Variants in MKNK1 observed in about 807,000 individuals in gnomAD.
MKNK1 encodes the protein MAP kinase-interacting serine/threonine-protein kinase 1.
In MKNK1, 30 loss-of-function variants were observed where a neutral mutation model predicts 49.3. That is an observed-to-expected ratio of 0.61 (90% CI 0.46 to 0.83). The LOEUF is 0.83. Among genes scored for constraint, MKNK1 ranks in the 40% least tolerant of loss-of-function variants. The probability of loss-of-function intolerance (pLI) is 0.00; values close to 1 mark genes in which losing one functional copy is unlikely to be tolerated. For synonymous variants in MKNK1, 176 were observed against 201.7 expected, an observed-to-expected ratio of 0.87 and a Z score of 1.08; for missense variants, 423 against 524.7, an observed-to-expected ratio of 0.81 and a Z score of 1.89.
chr1:46,588,743 G>A (rs1672940319), intron 2 of MKNK1, among the ~76,000 whole-genome samples: 1 of 150,718 alleles, frequency 6.6e-6, no homozygotes. Flanking sequence ...GGGGGGCGGA[G>A]CCTGCAGTGA....
At position 46,566,705 on chromosome 1, in the gene MKNK1, G is replaced by A. The variant is rs146489063; in HGVS notation, c.514-1569C>T. On this transcript the variant is annotated intron_variant, in intron 8 of 12. Transcript: ENST00000371945. ...TAGTAGTATGTGGTGGTATCTCATT[G>A]TGGTTTTGACTTGCATTTCCCTAAT... Among the ~76,000 whole-genome samples the A allele has an allele frequency of 5.3e-5, 8 of 152,278 alleles. No homozygotes were observed. The East Asian group carries it at 1.5e-3, about 29-fold the overall frequency.
At position 46,572,242 on chromosome 1, in the gene MKNK1, C is replaced by T; in HGVS notation, c.353-75G>A. On this transcript the variant is annotated intron_variant, in intron 6 of 12. Transcript: ENST00000371945. ...TATAAGTTTTTTTTTTAGACGAAGTCTCACTCTGTTACCCAGGCTGGAGAG... is the reference window on the plus strand; with the variant it reads ...TATAAGTTTTTTTTTTAGACGAAGTTTCACTCTGTTACCCAGGCTGGAGAG... 8 of 1,266,832 alleles carry T rather than the reference C, an allele frequency of 6.3e-6. No homozygotes were observed. In the South Asian group the frequency reaches 8.8e-5, roughly 14 times the overall value. 78.5% of individuals were successfully genotyped at this position (1,266,832 alleles called of 1,614,324 possible).
intron 8 of MKNK1, among the ~76,000 whole-genome samples, chr1:46,567,571 G>A (rs1348989889): frequency 2.0e-5 from 3 of 152,206 alleles, no homozygotes; most frequent in Non-Finnish European, 1.5e-5. Context: ...GATCTTATTT[G>A]AGCGAATCCA....
intron 8 of MKNK1, among the ~76,000 whole-genome samples, chr1:46,566,614 G>C (rs762205530): frequency 3.3e-5 from 5 of 152,122 alleles, no homozygotes; most frequent in Non-Finnish European, 4.4e-5. Flanking sequence ...CAATGTATGA[G>C]GGTTACGATT....
At chr1:46,601,973 C>A (rs1354116002) in intron 1 of MKNK1, among the ~76,000 whole-genome samples, 5 of 152,152 alleles carry the variant, frequency 3.3e-5, no homozygotes, top group Non-Finnish European at 7.3e-5. Flanking sequence ...ACAACTAATC[C>A]AGCAGAAGGC....
chr1:46,599,142 C>G (rs1674428350), intron 1 of MKNK1, among the ~76,000 whole-genome samples: 1 of 152,178 alleles, frequency 6.6e-6, no homozygotes, highest in African/African-American at 2.4e-5. Flanking sequence ...ACTCTGTGAA[C>G]CATAACTGGC....
In MKNK1 at chr1:46,560,285, G is replaced by A. The variant is rs201646100; in HGVS notation, c.970-8C>T. On this transcript the variant is annotated splice_polypyrimidine_tract_variant and splice_region_variant and intron_variant, in intron 11 of 12. Transcript: ENST00000371945. Reference sequence around the variant, plus strand: ...TCCCTTTTCTGGAGCTTGCTAGAATGGGAAGGACAGATGTGTAGGTAAAGC... The same window carrying A: ...TCCCTTTTCTGGAGCTTGCTAGAATAGGAAGGACAGATGTGTAGGTAAAGC... The A allele has an allele frequency of 6.9e-5, 112 of 1,613,964 alleles. No homozygotes were observed. The highest frequency in any genetic ancestry group is 1.7e-4 in the Admixed American group (10 of 59,994).
At chr1:46,563,693 G>A (rs1022097439) in intron 9 of MKNK1, 3 of 152,218 alleles carry the variant, frequency 2.0e-5, no homozygotes, top group African/African-American at 7.2e-5. Flanking sequence ...TGATAATGTT[G>A]TTTAGAATAA....
intron 8 of MKNK1, chr1:46,565,361 G>C: frequency 1.8e-6 from 1 of 555,134 alleles, no homozygotes; most frequent in Non-Finnish European, 3.2e-6. Context: ...AAAATGGGTG[G>C]ACTATTTGGT....
chr1:46,585,249 C>CAAAAAAAAAAAAAAAAAAAAAAAAAAAAA (rs58692301), intron 2 of MKNK1, among the ~76,000 whole-genome samples: 1 of 62,114 alleles, frequency 1.6e-5, no homozygotes. Context: ...GATTCCGTCT[C>CAAAAAAAAAAAAAAAAAAAAAAAAAAAAA]AAAAAAAAAA....
intron 3 of MKNK1, among the ~76,000 whole-genome samples, chr1:46,582,072 C>G (rs1045199914): frequency 6.6e-6 from 1 of 152,180 alleles, no homozygotes; most frequent in East Asian, 1.9e-4. Context: ...ATTGCACAAG[C>G]TGTCCTTAAA....
At chr1:46,601,309 A>G (rs1674705870) in intron 1 of MKNK1, among the ~76,000 whole-genome samples, 1 of 152,224 alleles carries the variant, frequency 6.6e-6, no homozygotes. Flanking sequence ...ACCTTCAACC[A>G]TGTAAATTTT....
intron 8 of MKNK1, among the ~76,000 whole-genome samples, chr1:46,565,965 T>G (rs1668986277): frequency 6.6e-6 from 1 of 152,220 alleles, no homozygotes; most frequent in Admixed American, 6.5e-5. Flanking sequence ...TAGCCTCTTA[T>G]TAGTGGTAAA....
chr1:46,562,124 G>A (rs147564162), intron 10 of MKNK1, among the ~76,000 whole-genome samples: 1,542 of 152,148 alleles, frequency 0.01, 15 homozygotes, highest in Non-Finnish European at 0.014. Context: ...GGCTGGGCGC[G>A]GTGGCTCACG....
Position 46,568,464 on chromosome 1 carries a change from T to C in MKNK1, c.492A>G (p.Ile164Met), listed in dbSNP as rs746225929. The C allele has an allele frequency of 1.2e-6, 2 of 1,614,018 alleles. No homozygotes were observed. Among genetic ancestry groups the C allele is most frequent in the South Asian group, 1.1e-5 (1 of 91,078 alleles). The change falls in exon 8 of 13, where the codon ATA becomes ATG. Residue 164 changes from isoleucine (I) to methionine (M), a missense_variant. By Grantham distance (10) the Ile-to-Met change is conservative. Coordinates refer to ENST00000371945, the MANE Select transcript of MKNK1 (RefSeq NM_001135553.4). ...GTACCTTTTCTGGAGATTCACACAA[T>C]ATATTTTCTGGTTTCAGATCACGAT... Reference protein sequence around the residue: ...IAHRDLKPENILCESPEKVSP... With the variant: ...IAHRDLKPENMLCESPEKVSP...
intron 9 of MKNK1, among the ~76,000 whole-genome samples, chr1:46,564,044 C>CAAAAAAAAAAAAA (rs1217205121): frequency 2.6e-5 from 1 of 39,086 alleles, no homozygotes; most frequent in African/African-American, 1.1e-4. Context: ...GACTCTGTCT[C>CAAAAAAAAAAAAA]AAAAAAAAAA....
intron 10 of MKNK1, among the ~76,000 whole-genome samples, chr1:46,561,996 C>T (rs1012116664): frequency 7.9e-5 from 12 of 152,176 alleles, no homozygotes; most frequent in African/African-American, 2.9e-4. Context: ...CTCCACTCTT[C>T]CTTCCTAGAC....
At chr1:46,582,164 G>T (rs1380484840) in intron 3 of MKNK1, among the ~76,000 whole-genome samples, 3 of 152,020 alleles carry the variant, frequency 2.0e-5, no homozygotes, top group Non-Finnish European at 4.4e-5. Context: ...TGGGATCTTT[G>T]TCTCTCCCCC....
Position 46,562,767 on chromosome 1 carries a change from C to G in MKNK1, c.686G>C (p.Cys229Ser). The G allele has an allele frequency of 6.2e-7, 1 of 1,611,402 alleles. No homozygotes were observed. Among genetic ancestry groups the G allele is most frequent in the Non-Finnish European group, 8.5e-7 (1 of 1,178,716 alleles). ...GACCACGCCCAGGCTCCACAGGTCACAGCGCTTGTCGTAGAATGTGGCCTG... is the reference window on the plus strand; with the variant it reads ...GACCACGCCCAGGCTCCACAGGTCAGAGCGCTTGTCGTAGAATGTGGCCTG... ...TDQATFYDKR[C>S]DLWSLGVVLY... Residue 229 changes from cysteine (C) to serine (S), a missense_variant, in exon 10 of 13, where the codon TGT (cysteine) becomes TCT (serine). Coordinates refer to ENST00000371945, the MANE Select transcript of MKNK1 (RefSeq NM_001135553.4).
Sources: allele counts gnomAD v4.1 joint callset (sites outside exome capture counted in the v4.1 genomes callset), GRCh38; gene constraint gnomAD v4.1.1; transcripts MANE v1.5; gene names NCBI Gene and HGNC (gene_info 2026-07-23, HGNC 2026-07-21).